Variants in CFAP54 observed in about 807,000 individuals in gnomAD.
CFAP54 encodes cilia and flagella associated protein 54.
A neutral mutation model predicts 370.4 loss-of-function variants in CFAP54; 290 were observed. That is an observed-to-expected ratio of 0.78 (90% CI 0.71 to 0.86). The LOEUF (loss-of-function observed/expected upper bound fraction) is 0.86. Among genes scored for constraint, CFAP54 ranks in the 40% least tolerant of loss-of-function variants. The probability of loss-of-function intolerance (pLI) is 0.00; values close to 1 mark genes in which losing one functional copy is unlikely to be tolerated. For synonymous variants in CFAP54, 1,206 were observed against 1,236.5 expected (o/e 0.98, Z 0.52); for missense variants, 3,399 against 3,528.7 (o/e 0.96, Z 0.93).
At position 96,500,881 on chromosome 12, in the gene CFAP54, C is replaced by T. The variant is rs1955018148; in HGVS notation, c.365C>T (p.Pro122Leu). Residue 122 changes from proline (P) to leucine (L), a missense_variant, in exon 2 of 68, where the codon CCA becomes CTA. By Grantham distance (98) the Pro-to-Leu change is moderately conservative (BLOSUM62 -3). This residue lies in a region of CFAP54 where 559 missense variants were observed against 576.7 expected (regional missense o/e 0.97). Transcript: ENST00000524981. ...TGGACTAAATACGCCCCCAGGCTGC[C>T]AGCAGACTATTACAACGAAAAGCTT... ...NIWTKYAPRL[P>L]ADYYNEKLLK... 6.5e-7 allele frequency: 1 copy of T among 1,535,732 alleles called. No homozygotes were observed. Among genetic ancestry groups the T allele is most frequent in the Non-Finnish European group, 8.7e-7 (1 of 1,146,692 alleles).
chr12:96,848,952 AT>A (rs753487400), intron 66 of CFAP54, among the ~76,000 whole-genome samples: 1 of 152,186 alleles, frequency 6.6e-6, no homozygotes, highest in Non-Finnish European at 1.5e-5. Flanking sequence ...TATTGCTGGT[AT>A]TGGGATTTTC....
At chr12:96,709,781 G>T (rs919836559) in intron 48 of CFAP54, among the ~76,000 whole-genome samples, 3 of 151,508 alleles carry the variant, frequency 2.0e-5, no homozygotes, top group Non-Finnish European at 4.4e-5. Flanking sequence ...GAGCACAGTG[G>T]TGCAAGCTCA....
intron 36 of CFAP54, among the ~76,000 whole-genome samples, chr12:96,654,197 A>G (rs1164063831): frequency 4.6e-5 from 5 of 109,680 alleles, no homozygotes; most frequent in African/African-American, 1.0e-4. Flanking sequence ...TTTTATACCA[A>G]TGATTTTTAT....
chr12:96,677,199 C>T (rs1366382760), intron 39 of CFAP54, among the ~76,000 whole-genome samples: 3 of 151,176 alleles, frequency 2.0e-5, no homozygotes, highest in Admixed American at 6.6e-5. Flanking sequence ...TTTGTAGAGA[C>T]AGGGTCTTGC....
intron 67 of CFAP54, among the ~76,000 whole-genome samples, chr12:96,871,409 C>A (rs1466059443): frequency 6.6e-6 from 1 of 152,130 alleles, no homozygotes; most frequent in African/African-American, 2.4e-5. Flanking sequence ...ATAGGCCCAC[C>A]CATCAAACCT....
At chr12:96,496,520 A>G (rs1954956468) in intron 1 of CFAP54, among the ~76,000 whole-genome samples, 1 of 152,244 alleles carries the variant, frequency 6.6e-6, no homozygotes, top group African/African-American at 2.4e-5. Flanking sequence ...GACTGTAAAC[A>G]ATTTATGACC....
intron 60 of CFAP54, among the ~76,000 whole-genome samples, chr12:96,783,201 C>G (rs1756171063): frequency 6.6e-6 from 1 of 152,076 alleles, no homozygotes; most frequent in Admixed American, 6.5e-5. Flanking sequence ...ATTAGTAACA[C>G]TAAATTTTGG....
At chr12:96,579,813 A>G (rs1006815347) in intron 20 of CFAP54, among the ~76,000 whole-genome samples, 1 of 151,948 alleles carries the variant, frequency 6.6e-6, no homozygotes, top group Non-Finnish European at 1.5e-5. Context: ...CTATTTAATC[A>G]AGGTTAAATT....
At chr12:96,666,882 C>T (rs1413309329) in intron 39 of CFAP54, among the ~76,000 whole-genome samples, 1 of 152,180 alleles carries the variant, frequency 6.6e-6, no homozygotes, top group East Asian at 1.9e-4. Context: ...TCCAAAGTCT[C>T]ATCTGAGGCA....
chr12:96,584,650 T>TA lies in CFAP54; in HGVS notation c.3075+3546dup, dbSNP rs530610149. Among the ~76,000 whole-genome samples, 385 of 152,024 alleles carry TA rather than the reference T, an allele frequency of 2.5e-3. 1 individual carries two copies. Among genetic ancestry groups the TA allele is most frequent in the African/African-American group, 8.8e-3 (365 of 41,428 alleles). On this transcript the variant is annotated intron_variant, in intron 22 of 67. Transcript: ENST00000524981. ...TCCTTTGAAATATGTTTTTTTTTTT[T>TA]ATCAATCTCATTACAATGACAGTAA...
chr12:96,735,481 A>G (rs1957969912), intron 50 of CFAP54, among the ~76,000 whole-genome samples: 1 of 152,236 alleles, frequency 6.6e-6, no homozygotes, highest in African/African-American at 2.4e-5. Context: ...GATCCATCTC[A>G]TAGTTAAGAC....
At chr12:96,575,126 G>A (rs1360085178) in intron 19 of CFAP54, among the ~76,000 whole-genome samples, 2 of 152,020 alleles carry the variant, frequency 1.3e-5, no homozygotes, top group African/African-American at 2.4e-5. Context: ...GACTAATGAC[G>A]TTGAACATCT....
At chr12:96,647,849 TTAA>T in intron 33 of CFAP54, 23 bp from the exon 34 acceptor site, 2 of 1,479,276 alleles carry the variant, frequency 1.4e-6, no homozygotes. Flanking sequence ...ATATTGTTTT[TTAA>T]TATGATTTTT....
intron 2 of CFAP54, among the ~76,000 whole-genome samples, chr12:96,502,985 C>T (rs976030234): frequency 2.6e-5 from 4 of 151,690 alleles, no homozygotes; most frequent in Non-Finnish European, 2.9e-5. Flanking sequence ...TTCTTTGGTT[C>T]CCTCTTTCTT....
At chr12:96,699,820 A>G (rs937913522) in intron 45 of CFAP54, 151 bp from the exon 46 acceptor site, 3 of 599,516 alleles carry the variant, frequency 5.0e-6, no homozygotes, top group Non-Finnish European at 5.7e-6. Flanking sequence ...ATCTCTCTCC[A>G]CTGTGTCTAG....
chr12:96,703,525 A>C (rs1957514741), intron 46 of CFAP54, among the ~76,000 whole-genome samples: 1 of 152,126 alleles, frequency 6.6e-6, no homozygotes, highest in Non-Finnish European at 1.5e-5. Context: ...GATTCTACCA[A>C]TGGGAATCTT....
At chr12:96,721,204 T>C (rs1011733728) in intron 50 of CFAP54, among the ~76,000 whole-genome samples, 1 of 152,210 alleles carries the variant, frequency 6.6e-6, no homozygotes, top group Admixed American at 6.5e-5. Context: ...TTTCTTTTTT[T>C]CTAAAACATT....
chr12:96,835,644 C>T (rs1242469774), intron 66 of CFAP54, among the ~76,000 whole-genome samples: 2 of 152,168 alleles, frequency 1.3e-5, no homozygotes, highest in Non-Finnish European at 1.5e-5. Context: ...CCAAGACTTC[C>T]CGGGCCCCCA....
rs1955472759 is a variant in CFAP54 at position 96,533,954 on chromosome 12, A to G, written c.1520A>G (p.His507Arg). The G allele has an allele frequency of 2.6e-6, 4 of 1,517,018 alleles. No homozygotes were observed. The highest frequency in any genetic ancestry group is 3.5e-6 in the Non-Finnish European group (4 of 1,141,580). 94.0% of individuals were successfully genotyped at this position (1,517,018 alleles called of 1,614,324 possible). The change falls in exon 10 of 68, where the codon CAT becomes CGT. Residue 507 changes from histidine to arginine, a missense_variant. His to Arg is a conservative substitution (Grantham distance 29). Coordinates refer to ENST00000524981, the MANE Select transcript of CFAP54 (RefSeq NM_001306084.2). ...EWSLFESSAV[H>R]LIYFLQRQDD... ...AGTTTATTTGAATCTTCTGCTGTACATCTTATTTATTTTCTCCAGGTAATA... is the reference window on the plus strand; with the variant it reads ...AGTTTATTTGAATCTTCTGCTGTACGTCTTATTTATTTTCTCCAGGTAATA...
Sources: allele counts gnomAD v4.1 joint callset (sites outside exome capture counted in the v4.1 genomes callset), GRCh38; gene constraint gnomAD v4.1.1; regional missense constraint gnomAD v4.1.1; transcripts MANE v1.5; gene names NCBI Gene and HGNC (gene_info 2026-07-23, HGNC 2026-07-21).